SFI1: variants seen among roughly 807,000 people sequenced by gnomAD.
SFI1 encodes the protein SFI1 centrin binding protein, also known as protein SFI1 homolog.
SFI1 carries 195 observed loss-of-function variants against 207.5 expected under a neutral mutation model. The observed-to-expected ratio is 0.94, with a 90% CI of 0.84 to 1.06. SFI1 has a LOEUF of 1.06. Among genes scored for constraint, SFI1 ranks in the 50% least tolerant of loss-of-function variants. The probability of loss-of-function intolerance (pLI) is 0.00; values close to 1 mark genes in which losing one functional copy is unlikely to be tolerated. For missense variants in SFI1, 1,634 were observed against 1,588.0 expected (o/e 1.03, Z -0.49); for synonymous variants, 630 against 598.9 (o/e 1.05, Z -0.76).
chr22:31,613,776 G>C lies in SFI1; in HGVS notation c.2917G>C (p.Glu973Gln), dbSNP rs1370898646. 4 of 1,612,796 alleles carry C rather than the reference G, an allele frequency of 2.5e-6. No homozygotes were observed. The highest frequency in any genetic ancestry group is 1.7e-5 in the Admixed American group (1 of 59,938). ...IAAGAGDGTL[E>Q]TKRPQASRPL... is the part of the protein sequence containing the mutation. ...TGCTGGGGCTGGGGATGGCACCCTTGAGACCAAGAGGCCACAGGCTTCTCG... is the reference window on the plus strand; with the variant it reads ...TGCTGGGGCTGGGGATGGCACCCTTCAGACCAAGAGGCCACAGGCTTCTCG... The change falls in exon 27 of 33, where the codon GAG (glutamate) becomes CAG (glutamine). Residue 973 changes from glutamate to glutamine, a missense_variant. By Grantham distance (29) the Glu-to-Gln change is conservative (BLOSUM62 2). Transcript: ENST00000400288.
Position 31,618,549 on chromosome 22 carries a change from G to T in SFI1, c.*131G>T. 1 of 932,994 alleles carries T rather than the reference G, an allele frequency of 1.1e-6. No individual in the cohort carries two copies. The highest frequency in any genetic ancestry group is 1.5e-6 in the Non-Finnish European group (1 of 668,422). 57.8% of individuals were successfully genotyped at this position (932,994 alleles called of 1,614,324 possible). Reference sequence around the variant, plus strand: ...TTGCAATTAAATGAATTACTGTTCAGAAGTCTCCCACTTTTCATACAAAAA... The same window carrying T: ...TTGCAATTAAATGAATTACTGTTCATAAGTCTCCCACTTTTCATACAAAAA... On this transcript the variant is annotated 3_prime_UTR_variant, in exon 33 of 33. Transcript: ENST00000400288.
chr22:31,593,278 A>G (rs1337740316), intron 15 of SFI1, among the ~76,000 whole-genome samples: 1 of 133,258 alleles, frequency 7.5e-6, no homozygotes, highest in East Asian at 2.4e-4. Flanking sequence ...CACTTCTCAG[A>G]CGGGGCGGCC....
intron 17 of SFI1, 91 bp downstream of exon 17, chr22:31,602,876 A>G: frequency 7.3e-7 from 1 of 1,369,080 alleles, no homozygotes; most frequent in Admixed American, 2.1e-5. Flanking sequence ...GCCTGTCTGG[A>G]GGACTGCATT....
intron 3 of SFI1, among the ~76,000 whole-genome samples, chr22:31,530,205 A>C (rs2058351711): frequency 9.0e-6 from 1 of 111,386 alleles, no homozygotes; most frequent in Non-Finnish European, 1.8e-5. Flanking sequence ...AAAAAAAAAG[A>C]CAAGGCCGGG....
At chr22:31,521,733 C>T (rs544253790) in intron 2 of SFI1, 19 of 152,072 alleles carry the variant, frequency 1.2e-4, no homozygotes, top group Non-Finnish European at 2.4e-4. Context: ...GTAACGTATA[C>T]ATAACAAAAA....
rs182131651 is a variant in SFI1 at position 31,530,250 on chromosome 22, G to A, written c.267-808G>A. On this transcript the variant is annotated intron_variant, in intron 3 of 32. Coordinates refer to ENST00000400288, the MANE Select transcript of SFI1 (RefSeq NM_001007467.3). Reference sequence around the variant, plus strand: ...TCACACCTGTAATCCCAGCACTTTGGGAGGCCGAGGCGGGTGGATCATGAG... The same window carrying A: ...TCACACCTGTAATCCCAGCACTTTGAGAGGCCGAGGCGGGTGGATCATGAG... Among the ~76,000 whole-genome samples, 891 of 144,398 alleles carry A rather than the reference G, an allele frequency of 6.2e-3. 6 individuals are homozygous for A. Among genetic ancestry groups the A allele is most frequent in the African/African-American group, 0.022 (851 of 39,028 alleles). 94.7% of individuals were successfully genotyped at this position (144,398 alleles called of 152,430 possible).
At chr22:31,541,903 C>A (rs897846401) in intron 4 of SFI1, among the ~76,000 whole-genome samples, 3 of 151,618 alleles carry the variant, frequency 2.0e-5, no homozygotes, top group African/African-American at 7.3e-5. Context: ...GAGATCAAGA[C>A]CATCCTGGCT....
chr22:31,551,807 C>T (rs955730085), intron 6 of SFI1, among the ~76,000 whole-genome samples: 10 of 152,132 alleles, frequency 6.6e-5, no homozygotes, highest in African/African-American at 1.9e-4. Context: ...CAGTAATTCA[C>T]GAGAGTTCTA....
chr22:31,613,342 C>A lies in SFI1; in HGVS notation c.2566-12C>A, dbSNP rs150699424. ...AGGGAGACCTGGGCCTCACCTCCTG[C>A]CCTCCCTGGAGGTGTGGGCCACGTG... is the stretch of plus-strand genomic sequence containing the variant. On this transcript the variant is annotated splice_polypyrimidine_tract_variant and intron_variant, in intron 25 of 32. Transcript: ENST00000400288. The A allele has an allele frequency of 6.2e-7, 1 of 1,603,838 alleles. No individual in the cohort carries two copies.
chr22:31,553,188 C>T (rs768771170), intron 6 of SFI1, among the ~76,000 whole-genome samples: 8 of 152,114 alleles, frequency 5.3e-5, no homozygotes, highest in Non-Finnish European at 7.3e-5. Flanking sequence ...GATGATATCT[C>T]ATTGTGGTTT....
In SFI1 at chr22:31,530,994, A is replaced by G; in HGVS notation, c.267-64A>G. ...CTTAAAGGCTTCCTTTCCTTTCCAG[A>G]AAACTGCTGATGTAAGCCAAATGGA... On this transcript the variant is annotated intron_variant, in intron 3 of 32. Transcript: ENST00000400288. 3.6e-6 allele frequency: 5 copies of G among 1,399,444 alleles called. No homozygotes were observed. In the South Asian group the frequency reaches 6.0e-5, roughly 17 times the overall value. The allele number at this position is 1,399,444 out of a possible 1,614,324, so 86.7% of individuals were successfully genotyped here. A position where few individuals can be genotyped will look rare whatever the true frequency, so the allele number is the denominator to read the frequency against.
intron 18 of SFI1, 52 bp downstream of exon 18, chr22:31,603,871 C>T: frequency 6.6e-7 from 1 of 1,526,202 alleles, no homozygotes; most frequent in Non-Finnish European, 8.8e-7. Flanking sequence ...GACAGGTGGG[C>T]TGTGTGTCAG....
intron 6 of SFI1, among the ~76,000 whole-genome samples, chr22:31,552,155 T>A (rs1321979844): frequency 6.6e-6 from 1 of 152,208 alleles, no homozygotes; most frequent in African/African-American, 2.4e-5. Flanking sequence ...TCTGAGTTAG[T>A]TCACTTAGGA....
rs2072205254 is a variant in SFI1, at chr22:31,618,368, A to G, written c.3679A>G (p.Ile1227Val). The part of the protein sequence containing the change: ...AEELQAQRQP[I>V]GACVARIQAL... ...GGAGCTCCAGGCTCAGCGCCAGCCCATTGGCGCCTGCGTTGCCCGCATCCA... is the reference window on the plus strand; with the variant it reads ...GGAGCTCCAGGCTCAGCGCCAGCCCGTTGGCGCCTGCGTTGCCCGCATCCA... The change falls in exon 33 of 33, where the codon ATT (isoleucine) becomes GTT (valine). Residue 1227 changes from isoleucine to valine, a missense_variant. By Grantham distance (29) the Ile-to-Val change is conservative (BLOSUM62 3). Coordinates refer to ENST00000400288, the MANE Select transcript of SFI1 (RefSeq NM_001007467.3). The G allele has an allele frequency of 6.2e-7, 1 of 1,607,770 alleles. No homozygotes were observed.
intron 2 of SFI1, among the ~76,000 whole-genome samples, chr22:31,511,375 C>T (rs1231546867): frequency 6.6e-6 from 1 of 151,486 alleles, no homozygotes; most frequent in Non-Finnish European, 1.5e-5. Flanking sequence ...GCAGAGTACT[C>T]TTTAGGCCTG....
At chr22:31,542,818 C>A (rs928733747) in intron 4 of SFI1, among the ~76,000 whole-genome samples, 1 of 151,270 alleles carries the variant, frequency 6.6e-6, no homozygotes, top group Non-Finnish European at 1.5e-5. Flanking sequence ...TGCACCACAA[C>A]GCCCAGCTAA....
rs2068946507 is a variant in SFI1, at chr22:31,606,256, A to G, written c.2055-72A>G. 3.6e-6 allele frequency: 5 copies of G among 1,378,580 alleles called. No homozygotes were observed. In the Admixed American group the frequency reaches 8.5e-5, roughly 23 times the overall value. The allele number at this position is 1,378,580 out of a possible 1,614,324, so 85.4% of individuals were successfully genotyped here. ...CTCAGGAGTAGGGGAAGAAGTAGGA[A>G]TGATTCACAGAAGCCTCCCTTCTCT... On this transcript the variant is annotated intron_variant, in intron 20 of 32. Coordinates refer to ENST00000400288, the MANE Select transcript of SFI1 (RefSeq NM_001007467.3).
At chr22:31,603,129 G>T (rs993349615) in intron 17 of SFI1, among the ~76,000 whole-genome samples, 1 of 152,176 alleles carries the variant, frequency 6.6e-6, no homozygotes, top group Non-Finnish European at 1.5e-5. Context: ...TTACTCAGGA[G>T]AGTGAAGCAC....
At position 31,618,332 on chromosome 22, in the gene SFI1, C is replaced by G. The variant is rs776426221; in HGVS notation, c.3643C>G (p.Leu1215Val). Residue 1215 changes from leucine to valine, a missense_variant, in exon 33 of 33, where the codon CTG (leucine) becomes GTG (valine). By Grantham distance (32) the Leu-to-Val change is conservative (BLOSUM62 1). Coordinates refer to ENST00000400288, the MANE Select transcript of SFI1 (RefSeq NM_001007467.3). ...GCCCCAGGTGGAAATGCAGATCCAG[C>G]TGCTGGCAGAGGAGCTCCAGGCTCA... ...ELEQVEMQIQ[L>V]LAEELQAQRQ... is the part of the protein sequence containing the mutation. 5.0e-6 allele frequency: 8 copies of G among 1,610,024 alleles called. No individual in the cohort carries two copies. In the South Asian group the frequency reaches 6.6e-5, roughly 13 times the overall value.
Sources: allele counts gnomAD v4.1 joint callset (sites outside exome capture counted in the v4.1 genomes callset), GRCh38; gene constraint gnomAD v4.1.1; transcripts MANE v1.5; gene names NCBI Gene and HGNC (gene_info 2026-07-23, HGNC 2026-07-21).